The following SYNPO2 variants were observed in gnomAD, a reference collection of about 807,000 sequenced individuals.
SYNPO2 encodes synaptopodin 2, also known as synaptopodin-2.
SYNPO2 carries 56 observed loss-of-function variants against 85.0 expected under a neutral mutation model. The ratio of observed to expected loss-of-function variants is 0.66; its 90% CI spans 0.53 to 0.82. The LOEUF (loss-of-function observed/expected upper bound fraction) is 0.82. Among genes scored for constraint, SYNPO2 ranks in the 40% least tolerant of loss-of-function variants. The pLI is 0.00. For synonymous variants in SYNPO2, 602 were observed against 591.1 expected, an observed-to-expected ratio of 1.02 and a Z score of -0.27; for missense variants, 1,575 against 1,534.2, an observed-to-expected ratio of 1.03 and a Z score of -0.44.
At chr4:118,877,581 G>A (rs1254093551) in intron 1 of SYNPO2, among the ~76,000 whole-genome samples, 5 of 152,088 alleles carry the variant, frequency 3.3e-5, no homozygotes, top group Non-Finnish European at 7.3e-5. Flanking sequence ...AGACATATAC[G>A]CGGCCAACAA....
At chr4:118,968,543 T>C (rs968401463) in intron 1 of SYNPO2, among the ~76,000 whole-genome samples, 2 of 152,204 alleles carry the variant, frequency 1.3e-5, no homozygotes, top group African/African-American at 2.4e-5. Flanking sequence ...AAAGCACCCA[T>C]AGGCATTTGC....
At chr4:118,933,446 T>C (rs1399874670) in intron 1 of SYNPO2, among the ~76,000 whole-genome samples, 1 of 152,200 alleles carries the variant, frequency 6.6e-6, no homozygotes, top group African/African-American at 2.4e-5. Context: ...AGCATATCAA[T>C]TGGCCACAAG....
chr4:118,939,202 G>A (rs1734218916), intron 1 of SYNPO2, among the ~76,000 whole-genome samples: 1 of 152,212 alleles, frequency 6.6e-6, no homozygotes, highest in Non-Finnish European at 1.5e-5. Flanking sequence ...ATAGAGAAAT[G>A]AAGACAAAAA....
intron 4 of SYNPO2, among the ~76,000 whole-genome samples, chr4:119,054,504 C>T (rs1012701642): frequency 6.6e-6 from 1 of 152,082 alleles, no homozygotes; most frequent in Non-Finnish European, 1.5e-5. Flanking sequence ...AGCTAGACAG[C>T]GAAGAGGATG....
intron 1 of SYNPO2, among the ~76,000 whole-genome samples, chr4:118,992,411 T>A (rs1736449271): frequency 6.6e-6 from 1 of 152,004 alleles, no homozygotes; most frequent in Non-Finnish European, 1.5e-5. Flanking sequence ...GTGTGATGAA[T>A]CAAGGATGAC....
At chr4:118,924,222 C>T (rs1001890938) in intron 1 of SYNPO2, among the ~76,000 whole-genome samples, 1 of 152,172 alleles carries the variant, frequency 6.6e-6, no homozygotes, top group Admixed American at 6.6e-5. Flanking sequence ...CAGGTATATC[C>T]TTATTCCAGG....
intron 1 of SYNPO2, among the ~76,000 whole-genome samples, chr4:118,894,352 T>A (rs1329374769): frequency 6.6e-6 from 1 of 152,176 alleles, no homozygotes; most frequent in East Asian, 1.9e-4. Context: ...GAAGCCAGAA[T>A]GGATGGGCTG....
At chr4:118,926,343 T>C (rs1733711356) in intron 1 of SYNPO2, among the ~76,000 whole-genome samples, 1 of 152,168 alleles carries the variant, frequency 6.6e-6, no homozygotes, top group African/African-American at 2.4e-5. Flanking sequence ...ATACTTTTTA[T>C]ATATGTATGG....
At position 119,029,946 on chromosome 4, in the gene SYNPO2, T is replaced by A; in HGVS notation, c.1171T>A (p.Ser391Thr). The change falls in exon 4 of 5, where the codon TCC (serine) becomes ACC (threonine). Residue 391 changes from serine to threonine, a missense_variant. By Grantham distance (58) the Ser-to-Thr change is moderately conservative. Around this residue, in one of 3 missense-constraint regions of SYNPO2, gnomAD observed 1,508 missense variants for 1,446.8 expected, o/e 1.04. Coordinates refer to ENST00000307142, the MANE Select transcript of SYNPO2 (RefSeq NM_133477.3). ...LLLTDAPNPN[S>T]KGVLMFKKRR... ...TCTAACGGATGCTCCCAACCCCAACTCCAAGGGGGTGTTGATGTTTAAGAA... is the reference window on the plus strand; with the variant it reads ...TCTAACGGATGCTCCCAACCCCAACACCAAGGGGGTGTTGATGTTTAAGAA... 10 of 1,613,652 alleles carry A rather than the reference T, an allele frequency of 6.2e-6. No individual in the cohort carries two copies. Among genetic ancestry groups the A allele is most frequent in the Non-Finnish European group, 8.5e-6 (10 of 1,179,906 alleles).
rs1017928130 is a variant in SYNPO2, at chr4:119,015,801, T to C, written c.106-7629T>C. Among the ~76,000 whole-genome samples the C allele has an allele frequency of 1.9e-4, 29 of 152,202 alleles. 1 individual carries two copies. The highest frequency in any genetic ancestry group is 1.6e-3 in the Admixed American group (24 of 15,284). On this transcript the variant is annotated intron_variant, in intron 1 of 4. Coordinates refer to ENST00000307142, the MANE Select transcript of SYNPO2 (RefSeq NM_133477.3). Reference sequence around the variant, plus strand: ...AATAGAGCAGAGGCATTAAATCCTATTGAGCATATGAGAGTTTTTTACACC... The same window carrying C: ...AATAGAGCAGAGGCATTAAATCCTACTGAGCATATGAGAGTTTTTTACACC...
At chr4:119,045,443 C>A (rs1210855763) in intron 4 of SYNPO2, among the ~76,000 whole-genome samples, 1 of 151,964 alleles carries the variant, frequency 6.6e-6, no homozygotes, top group Admixed American at 6.6e-5. Flanking sequence ...AGAGCAAGAC[C>A]CTGTCTCAAA....
At chr4:118,905,202 T>A (rs1732891987) in intron 1 of SYNPO2, among the ~76,000 whole-genome samples, 1 of 152,166 alleles carries the variant, frequency 6.6e-6, no homozygotes, top group South Asian at 2.1e-4. Context: ...ATCATGTTAT[T>A]TATTCCATTA....
intron 1 of SYNPO2, among the ~76,000 whole-genome samples, chr4:118,879,645 G>A (rs147172989): frequency 1.1e-4 from 17 of 152,282 alleles, no homozygotes; most frequent in Non-Finnish European, 1.6e-4. Context: ...ATCGCCCAGC[G>A]TATGATACTG....
intron 1 of SYNPO2, among the ~76,000 whole-genome samples, chr4:118,940,774 G>A (rs1023519494): frequency 6.6e-6 from 1 of 152,150 alleles, no homozygotes; most frequent in South Asian, 2.1e-4. Context: ...GAGTGAGGCT[G>A]GGAGGAAGTG....
At chr4:119,045,652 G>T (rs1738849939) in intron 4 of SYNPO2, among the ~76,000 whole-genome samples, 1 of 152,156 alleles carries the variant, frequency 6.6e-6, no homozygotes, top group Non-Finnish European at 1.5e-5. Flanking sequence ...TTTGAGGAAA[G>T]AGAGAACTTC....
chr4:118,936,497 A>G (rs1734107445), intron 1 of SYNPO2, among the ~76,000 whole-genome samples: 1 of 152,136 alleles, frequency 6.6e-6, no homozygotes, highest in African/African-American at 2.4e-5. Context: ...AAAGAATTCC[A>G]TCAAAATGGC....
intron 1 of SYNPO2, among the ~76,000 whole-genome samples, chr4:118,999,324 T>A (rs112470070): frequency 0.023 from 3,471 of 151,964 alleles, 138 homozygotes; most frequent in African/African-American, 0.079. Context: ...AATTTTTTTT[T>A]AATTTTTTGT....
At chr4:119,028,757 CA>C (rs1201310922) in intron 3 of SYNPO2, among the ~76,000 whole-genome samples, 1 of 147,890 alleles carries the variant, frequency 6.8e-6, no homozygotes, top group African/African-American at 2.4e-5. Flanking sequence ...AATTTTCAAT[CA>C]TAAAATAGTC....
rs183010624 is a variant in SYNPO2, at chr4:118,997,072, G to C, written c.106-26358G>C. On this transcript the variant is annotated intron_variant, in intron 1 of 4. Transcript: ENST00000307142. ...CGGCTAAAACGGTGAAACCCCGTCT[G>C]TACTAAAAATACAAAAAATTAGCAG... 5.5e-3 allele frequency among the ~76,000 whole-genome samples: 825 copies of C among 149,130 alleles called. 32 individuals are homozygous for C. In the East Asian group the frequency reaches 0.12, roughly 21 times the overall value.
Sources: gnomAD v4.1 joint callset for allele counts (sites outside exome capture counted in the v4.1 genomes callset) on GRCh38, gnomAD v4.1.1 for gene constraint, gnomAD v4.1.1 regional missense constraint, MANE v1.5 for transcripts, NCBI Gene and HGNC (gene_info 2026-07-23, HGNC 2026-07-21) for gene names.